NFX1: variants seen among roughly 807,000 people sequenced by gnomAD.
NFX1 encodes the protein transcriptional repressor NF-X1.
In NFX1, 69 loss-of-function variants were observed where a neutral mutation model predicts 137.2. The observed-to-expected ratio is 0.50, with a 90% CI of 0.41 to 0.61. The LOEUF (loss-of-function observed/expected upper bound fraction) is 0.61, where lower values mean the gene tolerates loss of function less well. NFX1 is among the 20% of genes least tolerant of loss of function. The pLI, the probability that NFX1 is intolerant of heterozygous loss-of-function variation, is 0.00. For missense variants in NFX1, 1,167 were observed against 1,391.0 expected, an observed-to-expected ratio of 0.84 and a Z score of 2.56; for synonymous variants, 495 against 474.1, an observed-to-expected ratio of 1.04 and a Z score of -0.57.
chr9:33,317,120 G>A (rs1218693827), intron 7 of NFX1, among the ~76,000 whole-genome samples: 1 of 151,956 alleles, frequency 6.6e-6, no homozygotes, highest in East Asian at 1.9e-4. Context: ...TTAGAACGGG[G>A]GAAAAAATTG....
At chr9:33,294,182 C>T (rs138640111) in intron 1 of NFX1, among the ~76,000 whole-genome samples, 140 of 152,248 alleles carry the variant, frequency 9.2e-4, no homozygotes, top group East Asian at 5.8e-4. Flanking sequence ...CATTTTTACT[C>T]GACAACACTT....
intron 1 of NFX1, among the ~76,000 whole-genome samples, chr9:33,291,551 A>G (rs1821161753): frequency 6.6e-6 from 1 of 152,212 alleles, no homozygotes; most frequent in African/African-American, 2.4e-5. Context: ...CAAGAAGACC[A>G]TATATGTATT....
chr9:33,298,658 C>G (rs1039123253), intron 2 of NFX1, among the ~76,000 whole-genome samples: 2 of 152,168 alleles, frequency 1.3e-5, no homozygotes, highest in Non-Finnish European at 2.9e-5. Context: ...GTGGCACATG[C>G]CTATAGTCCC....
intron 6 of NFX1, 119 bp downstream of exon 6, chr9:33,311,296 C>CTT: frequency 2.4e-4 from 168 of 712,132 alleles, no homozygotes; most frequent in Non-Finnish European, 2.5e-4. Flanking sequence ...ATGAATAGTA[C>CTT]TTTTTTTTTT....
At chr9:33,360,053 G>A (rs1443879194) in intron 19 of NFX1, among the ~76,000 whole-genome samples, 1 of 152,116 alleles carries the variant, frequency 6.6e-6, no homozygotes, top group Non-Finnish European at 1.5e-5. Context: ...AGTGAGTGCC[G>A]TTCAAAACCC....
At position 33,351,714 on chromosome 9, in the gene NFX1, G is replaced by C; in HGVS notation, c.2579G>C (p.Arg860Thr). 6.2e-7 allele frequency: 1 copy of C among 1,613,920 alleles called. No homozygotes were observed. Among genetic ancestry groups the C allele is most frequent in the African/African-American group, 1.3e-5 (1 of 75,036 alleles). The change falls in exon 16 of 24, where the codon AGA becomes ACA. Residue 860 changes from arginine to threonine, a missense_variant. Around this residue, in one of 3 missense-constraint regions of NFX1, gnomAD observed 488 missense variants for 691.5 expected, o/e 0.71. Coordinates refer to ENST00000379540, the MANE Select transcript of NFX1 (RefSeq NM_002504.6). ...EPCKQPCTTP[R>T]ADCGHPCMAP... Reference sequence around the variant, plus strand: ...TGCAAGCAGCCCTGCACCACCCCCAGAGCTGACTGTGGTCACCCGTGTATG... The same window carrying C: ...TGCAAGCAGCCCTGCACCACCCCCACAGCTGACTGTGGTCACCCGTGTATG...
chr9:33,310,992 CAT>C (rs371720746), intron 5 of NFX1, 112 bp from the exon 6 acceptor site: 1 of 836,836 alleles, frequency 1.2e-6, no homozygotes, highest in South Asian at 1.6e-5. Flanking sequence ...AATACAAAGA[CAT>C]GTCATAGTAG....
In NFX1 at chr9:33,351,622, G is replaced by T. The variant is rs149865646; in HGVS notation, c.2487G>T (p.Thr829=). The T allele has an allele frequency of 6.2e-7, 1 of 1,614,140 alleles. No homozygotes were observed. Among genetic ancestry groups the T allele is most frequent in the Admixed American group, 1.7e-5 (1 of 60,020 alleles). Residue 829 remains threonine (T), a synonymous_variant, in exon 16 of 24, where the codon ACG becomes ACT. Coordinates refer to ENST00000379540, the MANE Select transcript of NFX1 (RefSeq NM_002504.6). Reference sequence around the variant, plus strand: ...CTTGCGGATTACCCTGCAGTGCCACGCTACCATGTGGGATGCACAAATGTC... The same window carrying T: ...CTTGCGGATTACCCTGCAGTGCCACTCTACCATGTGGGATGCACAAATGTC... ...DISCGLPCSA[T]LPCGMHKCQR... is the part of the protein sequence containing the mutation.
Position 33,294,551 on chromosome 9 carries a change from C to T in NFX1, c.157C>T (p.Pro53Ser), listed in dbSNP as rs200408791. ...TAGAAGAAATTACAGTTCACCACCT[C>T]CCTGTCACCTTTCCAGGCAGGTCCC... Reference protein sequence around the residue: ...IGRRNYSSPPPCHLSRQVPYD... With the variant: ...IGRRNYSSPPSCHLSRQVPYD... The change falls in exon 2 of 24, where the codon CCC becomes TCC. Residue 53 changes from proline to serine, a missense_variant. Pro to Ser is a moderately conservative substitution (Grantham distance 74). Transcript: ENST00000379540. 3.4e-5 allele frequency: 55 copies of T among 1,614,194 alleles called. 1 individual carries two copies. The highest frequency in any genetic ancestry group is 4.3e-5 in the Non-Finnish European group (51 of 1,180,028).
At chr9:33,356,004 A>C (rs761376733) in intron 19 of NFX1, among the ~76,000 whole-genome samples, 2 of 152,212 alleles carry the variant, frequency 1.3e-5, no homozygotes, top group Non-Finnish European at 2.9e-5. Flanking sequence ...GATATAAGCC[A>C]GAAGTAGAAT....
intron 22 of NFX1, 93 bp downstream of exon 22, chr9:33,366,867 C>A: frequency 7.1e-7 from 1 of 1,400,432 alleles, no homozygotes; most frequent in Non-Finnish European, 9.6e-7. Context: ...TTCTTACTAC[C>A]ACTCTCCCTC....
chr9:33,314,254 G>GGATT (rs1168869475), intron 7 of NFX1, among the ~76,000 whole-genome samples: 1 of 151,928 alleles, frequency 6.6e-6, no homozygotes, highest in Non-Finnish European at 1.5e-5. Context: ...CAAAGTGCTG[G>GGATT]GATTACAGGC....
At chr9:33,367,868 A>G (rs138042477) in intron 23 of NFX1, among the ~76,000 whole-genome samples, 1 of 152,296 alleles carries the variant, frequency 6.6e-6, no homozygotes, top group Non-Finnish European at 1.5e-5. Flanking sequence ...CATGGTGTAG[A>G]TGGTGACACT....
chr9:33,352,400 C>G (rs1823668401), intron 16 of NFX1: 1 of 611,560 alleles, frequency 1.6e-6, no homozygotes, highest in Admixed American at 2.1e-5. Flanking sequence ...TAGGCCTGCC[C>G]CTTCAGCCAG....
intron 9 of NFX1, among the ~76,000 whole-genome samples, chr9:33,326,572 T>C (rs1822598052): frequency 6.6e-6 from 1 of 151,910 alleles, no homozygotes. Context: ...TTTGTAAAAT[T>C]ACCCAGACAT....
chr9:33,297,142 T>C (rs1312538986), intron 2 of NFX1, among the ~76,000 whole-genome samples: 1 of 152,208 alleles, frequency 6.6e-6, no homozygotes, highest in Admixed American at 6.5e-5. Context: ...GCAAATCAGC[T>C]TTTTGCAGTA....
chr9:33,322,837 A>G (rs963992056), intron 9 of NFX1, among the ~76,000 whole-genome samples: 3 of 152,224 alleles, frequency 2.0e-5, no homozygotes, highest in East Asian at 1.9e-4. Flanking sequence ...TTAGAAAATG[A>G]TAACATACCT....
intron 2 of NFX1, 140 bp downstream of exon 2, chr9:33,295,567 C>G (rs1451405923): frequency 4.9e-6 from 5 of 1,011,232 alleles, no homozygotes; most frequent in Non-Finnish European, 5.6e-6. Flanking sequence ...CACTGTCTGC[C>G]TAAGTTCTAC....
chr9:33,310,992 C>T (rs939610674), intron 5 of NFX1, 114 bp from the exon 6 acceptor site: 6 of 836,840 alleles, frequency 7.2e-6, no homozygotes, highest in African/African-American at 3.4e-5. Flanking sequence ...AATACAAAGA[C>T]ATGTCATAGT....
Sources: allele counts gnomAD v4.1 joint callset (sites outside exome capture counted in the v4.1 genomes callset), GRCh38; gene constraint gnomAD v4.1.1; regional missense constraint gnomAD v4.1.1; transcripts MANE v1.5; gene names NCBI Gene and HGNC (gene_info 2026-07-23, HGNC 2026-07-21).